The following ASIC2 variants were observed in gnomAD, a reference collection of about 807,000 sequenced individuals.
The protein encoded by ASIC2 is acid sensing ion channel subunit 2, also known as acid-sensing ion channel 2.
ASIC2 carries 25 observed loss-of-function variants against 57.3 expected under a neutral mutation model. That is an observed-to-expected ratio of 0.44 (90% CI 0.32 to 0.61). ASIC2 has a LOEUF of 0.61. ASIC2 is among the 20% of genes least tolerant of loss of function. ASIC2 has a pLI of 0.06. For synonymous variants in ASIC2, 319 were observed against 307.5 expected, an observed-to-expected ratio of 1.04 and a Z score of -0.39; for missense variants, 641 against 738.1, an observed-to-expected ratio of 0.87 and a Z score of 1.52.
rs144922875 is a variant in ASIC2, at chr17:33,864,550, T to C, written c.555+291428A>G. 5.8e-3 allele frequency among the ~76,000 whole-genome samples: 882 copies of C among 152,256 alleles called. 9 individuals are homozygous for C. Among genetic ancestry groups the C allele is most frequent in the African/African-American group, 0.02 (839 of 41,534 alleles). On this transcript the variant is annotated intron_variant, in intron 1 of 9. Coordinates refer to the ASIC2 transcript ENST00000359872. ...TCTACATTTATTTTGTGATGTCAGG[T>C]ATTAAAGAAAATAGCTAACCAAAGA...
intron 1 of ASIC2, among the ~76,000 whole-genome samples, chr17:33,848,714 AGGAATGGAGAGGTACCT>A (rs570834716): frequency 2.2e-3 from 329 of 152,284 alleles, no homozygotes; most frequent in African/African-American, 7.6e-3. Flanking sequence ...GTACAGATGA[AGGAATGGAGAGGTACCT>A]GGAAGGCAGG....
intron 1 of ASIC2, among the ~76,000 whole-genome samples, chr17:33,557,764 C>T (rs1201102807): frequency 6.6e-6 from 1 of 152,168 alleles, no homozygotes; most frequent in Non-Finnish European, 1.5e-5. Flanking sequence ...TATTATTCTC[C>T]ATATCCAACT....
At chr17:33,120,936 G>T (rs2092300050) in intron 1 of ASIC2, among the ~76,000 whole-genome samples, 1 of 152,184 alleles carries the variant, frequency 6.6e-6, no homozygotes, top group South Asian at 2.1e-4. Context: ...TCAAATCCTG[G>T]CTCTGCCACT....
At chr17:33,707,547 T>C (rs1015748588) in intron 1 of ASIC2, among the ~76,000 whole-genome samples, 4 of 152,234 alleles carry the variant, frequency 2.6e-5, no homozygotes, top group Non-Finnish European at 5.9e-5. Flanking sequence ...TTATTTGTTA[T>C]TTTTGAAGCT....
intron 1 of ASIC2, among the ~76,000 whole-genome samples, chr17:33,335,156 A>G (rs1208928821): frequency 1.3e-5 from 2 of 152,230 alleles, no homozygotes; most frequent in East Asian, 3.9e-4. Flanking sequence ...CAGTTAGGAT[A>G]GCATTAGCGC....
chr17:33,263,799 A>C (rs1443224220), intron 1 of ASIC2, among the ~76,000 whole-genome samples: 1 of 152,206 alleles, frequency 6.6e-6, no homozygotes, highest in Non-Finnish European at 1.5e-5. Context: ...TGCTTACAAG[A>C]AGAATTCCTA....
At chr17:33,706,426 G>A (rs563928517) in intron 1 of ASIC2, among the ~76,000 whole-genome samples, 36 of 151,208 alleles carry the variant, frequency 2.4e-4, no homozygotes, top group Non-Finnish European at 4.4e-4. Context: ...GTTTCACGAC[G>A]TTTTCCAGGC....
chr17:33,390,818 T>C (rs1316569353), intron 1 of ASIC2, among the ~76,000 whole-genome samples: 3 of 152,170 alleles, frequency 2.0e-5, no homozygotes, highest in African/African-American at 7.2e-5. Context: ...GCTCTTTGAG[T>C]CTGTTTGTCA....
chr17:34,091,521 G>A (rs1280897542), intron 1 of ASIC2, among the ~76,000 whole-genome samples: 1 of 152,232 alleles, frequency 6.6e-6, no homozygotes, highest in Non-Finnish European at 1.5e-5. Context: ...GGGAGTGGGA[G>A]AATCCCTGGC....
intron 1 of ASIC2, among the ~76,000 whole-genome samples, chr17:33,641,266 A>G (rs1906554723): frequency 6.6e-6 from 1 of 152,196 alleles, no homozygotes; most frequent in Non-Finnish European, 1.5e-5. Flanking sequence ...GGGCTGAGAG[A>G]GGAAAGCTGA....
rs139220221 is a variant in ASIC2, at chr17:33,965,691, A to G, written c.555+190287T>C. Among the ~76,000 whole-genome samples the G allele has an allele frequency of 1.4e-4, 22 of 152,336 alleles. No individual in the cohort carries two copies. In the East Asian group the frequency reaches 1.7e-3, roughly 12 times the overall value. ...AGAGAGGCCAAGTAACATATCATAG[A>G]TCACAAGGCTTGGAAGTGACGGAGC... is the stretch of plus-strand genomic sequence containing the variant. On this transcript the variant is annotated intron_variant, in intron 1 of 9. Coordinates refer to the ASIC2 transcript ENST00000359872.
intron 1 of ASIC2, among the ~76,000 whole-genome samples, chr17:33,472,773 G>A (rs1913097278): frequency 1.3e-5 from 2 of 152,184 alleles, no homozygotes; most frequent in Admixed American, 1.3e-4. Flanking sequence ...GGAAGGAGGT[G>A]AGATGTTGAA....
At chr17:33,904,213 A>G (rs1915298475) in intron 1 of ASIC2, among the ~76,000 whole-genome samples, 1 of 151,768 alleles carries the variant, frequency 6.6e-6, no homozygotes, top group African/African-American at 2.4e-5. Context: ...TGATGAGAAA[A>G]GATGGAGAGC....
chr17:33,799,242 T>A (rs1078658), intron 1 of ASIC2, among the ~76,000 whole-genome samples: 96,077 of 150,616 alleles, frequency 0.64, 31,345 homozygotes, highest in Non-Finnish European at 0.71. Context: ...TTCTCTTTCC[T>A]TCCTTCCCTT....
chr17:34,108,113 C>A (rs1165962235), intron 1 of ASIC2, among the ~76,000 whole-genome samples: 2 of 151,994 alleles, frequency 1.3e-5, no homozygotes, highest in Admixed American at 1.3e-4. Flanking sequence ...TCTTTGAAAT[C>A]ATTTTGTATC....
chr17:33,893,816 C>T (rs1915022170), intron 1 of ASIC2, among the ~76,000 whole-genome samples: 1 of 152,194 alleles, frequency 6.6e-6, no homozygotes, highest in Admixed American at 6.5e-5. Context: ...ATGTGCTTTG[C>T]AACAGAAGAC....
chr17:33,831,530 G>C (rs1033626807), intron 1 of ASIC2, among the ~76,000 whole-genome samples: 1 of 151,322 alleles, frequency 6.6e-6, no homozygotes, highest in Non-Finnish European at 1.5e-5. Flanking sequence ...ACTATCATTA[G>C]GCAGATTGAT....
chr17:34,150,206 G>T (rs1479204344), intron 1 of ASIC2, among the ~76,000 whole-genome samples: 1 of 152,146 alleles, frequency 6.6e-6, no homozygotes, highest in Non-Finnish European at 1.5e-5. Flanking sequence ...TAGAAACAGA[G>T]AGTAGAATGG....
At chr17:33,076,479 C>T (rs561639897) in intron 3 of ASIC2, among the ~76,000 whole-genome samples, 1 of 152,364 alleles carries the variant, frequency 6.6e-6, no homozygotes, top group Non-Finnish European at 1.5e-5. Flanking sequence ...TACATAAATT[C>T]ACACTTATAA....
Sources: gnomAD v4.1 joint callset for allele counts (sites outside exome capture counted in the v4.1 genomes callset) on GRCh38, gnomAD v4.1.1 for gene constraint, MANE v1.5 for transcripts, NCBI Gene and HGNC (gene_info 2026-07-23, HGNC 2026-07-21) for gene names.